Variants in PCLO observed in about 807,000 individuals in gnomAD.
The protein encoded by PCLO is protein piccolo.
In PCLO, 82 loss-of-function variants were observed where a neutral mutation model predicts 427.5. That is an observed-to-expected ratio of 0.19 (90% CI 0.16 to 0.23). PCLO has a LOEUF of 0.23. Ranked by LOEUF, PCLO falls within the 10% of genes least tolerant of loss-of-function variation. PCLO has a pLI of 1.00. For synonymous variants in PCLO, 2,357 were observed against 2,155.4 expected (o/e 1.09, Z -2.59); for missense variants, 6,239 against 6,115.9 (o/e 1.02, Z -0.67).
chr7:83,050,226 AAAAAAAAAAAAC>A (rs1789206059), intron 3 of PCLO, among the ~76,000 whole-genome samples: 1 of 123,314 alleles, frequency 8.1e-6, no homozygotes, highest in African/African-American at 3.1e-5. Context: ...AAAAAAAAAA[AAAAAAAAAAAAC>A]ACAAGCAAAC....
chr7:82,784,639 C>T (rs1195351122), intron 22 of PCLO, among the ~76,000 whole-genome samples: 1 of 152,108 alleles, frequency 6.6e-6, no homozygotes, highest in East Asian at 1.9e-4. Context: ...CCAAAGGCAA[C>T]CAGTCTTGAG....
At chr7:83,098,706 G>A (rs56340651) in intron 3 of PCLO, among the ~76,000 whole-genome samples, 69,749 of 151,822 alleles carry the variant, frequency 0.46, 16,425 homozygotes, top group East Asian at 0.71. Flanking sequence ...TTTTCTTACT[G>A]AGAAGAGTTA....
At chr7:82,992,593 G>A (rs186045001) in intron 3 of PCLO, among the ~76,000 whole-genome samples, 6 of 151,964 alleles carry the variant, frequency 3.9e-5, no homozygotes, top group Non-Finnish European at 8.8e-5. Flanking sequence ...GGCCTGTCGG[G>A]GGGTGTGGGA....
At position 82,824,541 on chromosome 7, in the gene PCLO, T is replaced by A. The variant is rs564858834; in HGVS notation, c.14416-125A>T. ...AGGAATACAGTATAACTTTTGAGGA[T>A]GATGATTCTTTCTTCCTCAGTTTTC... On this transcript the variant is annotated intron_variant, in intron 18 of 24. Transcript: ENST00000333891. The A allele has an allele frequency of 1.4e-5, 7 of 516,060 alleles. 1 individual carries two copies. The Admixed American group carries it at 2.5e-4, about 19-fold the overall frequency. 32.0% of individuals were successfully genotyped at this position (516,060 alleles called of 1,614,324 possible).
At chr7:83,035,104 T>C (rs1788761921) in intron 3 of PCLO, among the ~76,000 whole-genome samples, 1 of 152,210 alleles carries the variant, frequency 6.6e-6, no homozygotes. Flanking sequence ...AGTCCCATTA[T>C]TGTCTCCTGC....
Position 83,154,799 on chromosome 7 carries a change from T to A in PCLO, c.1842A>T (p.Gln614His). 6.2e-7 allele frequency: 1 copy of A among 1,613,992 alleles called. No individual in the cohort carries two copies. Among genetic ancestry groups the A allele is most frequent in the Non-Finnish European group, 8.5e-7 (1 of 1,179,878 alleles). The change falls in exon 2 of 25, where the codon CAA becomes CAT. Residue 614 changes from glutamine to histidine, a missense_variant. Transcript: ENST00000333891. ...AACCACAGAGACTACAGACAGTGGT[T>A]TGACACTCAGTGCATGTGTTAAAAT... ...KANFNTCTEC[Q>H]TTVCSLCGFN...
intron 3 of PCLO, among the ~76,000 whole-genome samples, chr7:83,104,048 C>T (rs1790796329): frequency 6.6e-6 from 1 of 151,960 alleles, no homozygotes; most frequent in Admixed American, 6.6e-5. Context: ...AACCTCTTGA[C>T]ATTAAAGCCT....
chr7:82,891,491 T>C (rs1793764598), intron 9 of PCLO, among the ~76,000 whole-genome samples: 1 of 152,082 alleles, frequency 6.6e-6, no homozygotes, highest in Non-Finnish European at 1.5e-5. Context: ...AAAGGGACAA[T>C]TTGACTTCCT....
intron 3 of PCLO, among the ~76,000 whole-genome samples, chr7:83,013,499 T>C (rs1428231586): frequency 2.0e-5 from 3 of 152,168 alleles, no homozygotes; most frequent in Admixed American, 6.6e-5. Context: ...GCATAGTGTC[T>C]ACAACAAGGT....
rs187179960 is a variant in PCLO at position 82,942,050 on chromosome 7, G to A, written c.11112+7426C>T. On this transcript the variant is annotated intron_variant, in intron 6 of 24. Coordinates refer to ENST00000333891, the MANE Select transcript of PCLO (RefSeq NM_033026.6). ...AAAAATTAGCTGGGCATCACAGCGG[G>A]TGCCTGTATTCCCAGCTATTCAGAA... is the stretch of plus-strand genomic sequence containing the variant. 4.4e-4 allele frequency among the ~76,000 whole-genome samples: 67 copies of A among 152,274 alleles called. 1 individual carries two copies. In the East Asian group the frequency reaches 0.011, roughly 25 times the overall value.
At chr7:82,819,656 T>C (rs1454681522) in intron 20 of PCLO, among the ~76,000 whole-genome samples, 2 of 152,198 alleles carry the variant, frequency 1.3e-5, no homozygotes, top group East Asian at 1.9e-4. Flanking sequence ...ATTATCCTAA[T>C]GTTTAAGCTG....
chr7:83,028,230 CCTT>C (rs1788558206), intron 3 of PCLO, among the ~76,000 whole-genome samples: 1 of 151,252 alleles, frequency 6.6e-6, no homozygotes, highest in Non-Finnish European at 1.5e-5. Flanking sequence ...CCCAAAATCT[CCTT>C]AAGCTGATAA....
chr7:82,779,849 G>A (rs1483230625), intron 22 of PCLO, among the ~76,000 whole-genome samples: 2 of 150,432 alleles, frequency 1.3e-5, no homozygotes, highest in Non-Finnish European at 2.9e-5. Flanking sequence ...ATCGTTGCAA[G>A]ATGCCTGCTA....
chr7:82,852,136 C>T (rs1472088057), intron 10 of PCLO, among the ~76,000 whole-genome samples: 1 of 151,902 alleles, frequency 6.6e-6, no homozygotes, highest in Non-Finnish European at 1.5e-5. Flanking sequence ...TGCTTATTTA[C>T]AGAACAAGGA....
In PCLO at chr7:82,826,574, A is replaced by G; in HGVS notation, c.14415+15T>C. On this transcript the variant is annotated intron_variant, in intron 18 of 24. Transcript: ENST00000333891. ...ACCATAGCAGCAAATAAGGGAAAGG[A>G]AGTCAGAGGCTTACCTCCCCAAGGA... The G allele has an allele frequency of 6.5e-7, 1 of 1,547,586 alleles. No homozygotes were observed. Among genetic ancestry groups the G allele is most frequent in the Non-Finnish European group, 8.9e-7 (1 of 1,124,122 alleles).
chr7:82,974,979 G>C (rs1425847379), intron 3 of PCLO, among the ~76,000 whole-genome samples: 1 of 151,872 alleles, frequency 6.6e-6, no homozygotes, highest in Non-Finnish European at 1.5e-5. Context: ...GGGTTTCACC[G>C]TATTAGCCAG....
In PCLO at chr7:82,953,384, T is replaced by C. The variant is rs1795412308; in HGVS notation, c.7569A>G (p.Thr2523=). ...TGGGGTGTATATCTGTTGGTTTTTG[T>C]GTAGTTGTTGGAAGCTGAGGAATCA... The part of the protein sequence containing the change: ...KPVIPQLPTT[T]QKPTDIHPKP... The change falls in exon 5 of 25, where the codon ACA becomes ACG. Residue 2523 remains threonine (T), a synonymous_variant. Transcript: ENST00000333891. The C allele has an allele frequency of 6.2e-7, 1 of 1,613,582 alleles. No homozygotes were observed. The highest frequency in any genetic ancestry group is 1.1e-5 in the South Asian group (1 of 91,064).
At chr7:83,065,279 T>C (rs1789639995) in intron 3 of PCLO, among the ~76,000 whole-genome samples, 1 of 151,980 alleles carries the variant, frequency 6.6e-6, no homozygotes, top group Non-Finnish European at 1.5e-5. Context: ...TTTTTCTACA[T>C]AATTTCCTTG....
intron 3 of PCLO, among the ~76,000 whole-genome samples, chr7:83,124,667 C>T (rs1354251850): frequency 6.6e-6 from 1 of 152,140 alleles, no homozygotes. Context: ...GCTACGTATA[C>T]ATCCAAAAGA....
Sources: gnomAD v4.1 joint callset for allele counts (sites outside exome capture counted in the v4.1 genomes callset) on GRCh38, gnomAD v4.1.1 for gene constraint, MANE v1.5 for transcripts, NCBI Gene and HGNC (gene_info 2026-07-23, HGNC 2026-07-21) for gene names.